The following CADM2 variants were observed in gnomAD, a reference collection of about 807,000 sequenced individuals.
CADM2 encodes the protein immunoglobulin superfamily member 4D.
In CADM2, 12 loss-of-function variants were observed where a neutral mutation model predicts 49.8. That is an observed-to-expected ratio of 0.24 (90% confidence interval 0.15 to 0.39). The LOEUF (loss-of-function observed/expected upper bound fraction) is 0.39. Among genes scored for constraint, CADM2 ranks in the 10% least tolerant of loss-of-function variants. The pLI is 1.00. For synonymous variants in CADM2, 214 were observed against 175.4 expected (o/e 1.22, Z -1.74); for missense variants, 378 against 492.3 (o/e 0.77, Z 2.20).
chr3:85,471,347 T>A (rs2038755416), intron 1 of CADM2, among the ~76,000 whole-genome samples: 1 of 152,156 alleles, frequency 6.6e-6, no homozygotes, highest in South Asian at 2.1e-4. Flanking sequence ...TCACTCAGAC[T>A]AGAAGTGATA....
In CADM2 at chr3:85,678,712, C is replaced by T. The variant is rs150986438; in HGVS notation, c.62-47810C>T. 1.8e-4 allele frequency among the ~76,000 whole-genome samples: 28 copies of T among 152,244 alleles called. No homozygotes were observed. In the East Asian group the frequency reaches 4.6e-3, roughly 25 times the overall value. ...GAAATGGCAACGTAATATTGGCAAA[C>T]ACAAATTAACATTTGGTTGTATGAT... On this transcript the variant is annotated intron_variant, in intron 1 of 9. Transcript: ENST00000383699.
intron 1 of CADM2, among the ~76,000 whole-genome samples, chr3:85,687,862 C>T (rs538514251): frequency 6.6e-6 from 1 of 152,314 alleles, no homozygotes; most frequent in South Asian, 2.1e-4. Context: ...GGCTGTACAG[C>T]AGGAGGTGAG....
At chr3:85,129,723 T>C (rs114459216) in intron 1 of CADM2, among the ~76,000 whole-genome samples, 180 of 152,332 alleles carry the variant, frequency 1.2e-3, no homozygotes, top group Non-Finnish European at 2.4e-3. Context: ...ATTTTTATTT[T>C]ACAACCCTTC....
At chr3:85,939,395 C>T (rs1345845926) in intron 7 of CADM2, among the ~76,000 whole-genome samples, 1 of 151,066 alleles carries the variant, frequency 6.6e-6, no homozygotes, top group Non-Finnish European at 1.5e-5. Context: ...GTTTTTGCAA[C>T]CCTCTTCTTT....
intron 1 of CADM2, among the ~76,000 whole-genome samples, chr3:85,011,134 G>T (rs1190180980): frequency 6.6e-6 from 1 of 151,902 alleles, no homozygotes; most frequent in Non-Finnish European, 1.5e-5. Context: ...AAAGTGCTGG[G>T]ATCACAGGCG....
chr3:85,423,961 T>A (rs77430012), intron 1 of CADM2, among the ~76,000 whole-genome samples: 1,574 of 152,322 alleles, frequency 0.01, 14 homozygotes, highest in Non-Finnish European at 0.016. Flanking sequence ...GAATCCTCTT[T>A]CAACCTCGTT....
intron 1 of CADM2, among the ~76,000 whole-genome samples, chr3:85,597,606 A>G (rs1336083052): frequency 1.3e-5 from 2 of 152,094 alleles, no homozygotes; most frequent in Non-Finnish European, 2.9e-5. Flanking sequence ...AAAATTAATT[A>G]TTAGTTTCAA....
intron 1 of CADM2, among the ~76,000 whole-genome samples, chr3:85,282,599 A>T (rs1410989780): frequency 3.3e-5 from 5 of 151,818 alleles, no homozygotes; most frequent in Admixed American, 3.3e-4. Context: ...CTTTAAACTG[A>T]AACTTATATA....
intron 2 of CADM2, among the ~76,000 whole-genome samples, chr3:85,756,128 A>C (rs1037142869): frequency 6.6e-6 from 1 of 151,918 alleles, no homozygotes; most frequent in Non-Finnish European, 1.5e-5. Flanking sequence ...GGGTGTTTGA[A>C]TCTCTTGTGA....
intron 1 of CADM2, among the ~76,000 whole-genome samples, chr3:85,568,163 G>C (rs1293425374): frequency 1.3e-5 from 2 of 152,192 alleles, no homozygotes; most frequent in African/African-American, 4.8e-5. Flanking sequence ...TCACAGAGGG[G>C]AAGAGGGGGA....
chr3:85,958,598 C>T (rs11928699), intron 7 of CADM2, among the ~76,000 whole-genome samples: 5,057 of 151,976 alleles, frequency 0.033, 268 homozygotes, highest in African/African-American at 0.11. Context: ...CACATGCACA[C>T]ATACGTTTAT....
At chr3:85,294,577 G>T (rs1283051202) in intron 1 of CADM2, among the ~76,000 whole-genome samples, 1 of 151,910 alleles carries the variant, frequency 6.6e-6, no homozygotes. Flanking sequence ...GCATGGTACT[G>T]GTACCAAAAC....
At chr3:85,120,209 A>T (rs1388268770) in intron 1 of CADM2, among the ~76,000 whole-genome samples, 2 of 152,204 alleles carry the variant, frequency 1.3e-5, no homozygotes, top group Admixed American at 1.3e-4. Context: ...GGATGTGGAG[A>T]AATAAATGGT....
chr3:85,074,485 A>G (rs2036868580), intron 1 of CADM2, among the ~76,000 whole-genome samples: 1 of 152,134 alleles, frequency 6.6e-6, no homozygotes, highest in African/African-American at 2.4e-5. Context: ...CCTTGATTAG[A>G]ATAAAAACTT....
At chr3:85,486,961 A>G (rs924355418) in intron 1 of CADM2, among the ~76,000 whole-genome samples, 4 of 151,856 alleles carry the variant, frequency 2.6e-5, no homozygotes, top group African/African-American at 9.7e-5. Context: ...TTTAAATCAC[A>G]GTGGGCCATC....
intron 1 of CADM2, among the ~76,000 whole-genome samples, chr3:85,696,485 G>A (rs1681074506): frequency 6.6e-6 from 1 of 151,880 alleles, no homozygotes; most frequent in African/African-American, 2.4e-5. Context: ...TTCTGCATAT[G>A]GCTATCCAAT....
chr3:85,197,107 GT>G (rs1164113097), intron 1 of CADM2, among the ~76,000 whole-genome samples: 4 of 151,810 alleles, frequency 2.6e-5, no homozygotes, highest in Admixed American at 6.6e-5. Flanking sequence ...ACAATTATTT[GT>G]TTGTTTTGTA....
At chr3:85,507,875 A>G (rs531233453) in intron 1 of CADM2, among the ~76,000 whole-genome samples, 88 of 152,108 alleles carry the variant, frequency 5.8e-4, no homozygotes, top group Non-Finnish European at 7.8e-4. Flanking sequence ...ATTACAAATA[A>G]AATGTTCTTG....
chr3:85,526,962 C>A (rs546613708), intron 1 of CADM2, among the ~76,000 whole-genome samples: 1 of 152,260 alleles, frequency 6.6e-6, no homozygotes, highest in East Asian at 1.9e-4. Flanking sequence ...AACGCTCTTT[C>A]TGCAGGGATT....
Sources: allele counts gnomAD v4.1 joint callset (sites outside exome capture counted in the v4.1 genomes callset), GRCh38; gene constraint gnomAD v4.1.1; transcripts MANE v1.5; gene names NCBI Gene and HGNC (gene_info 2026-07-23, HGNC 2026-07-21).